IPO9: variants seen among roughly 807,000 people sequenced by gnomAD.
IPO9 encodes the protein importin-9.
A neutral mutation model predicts 128.6 loss-of-function variants in IPO9; 28 were observed. That is an observed-to-expected ratio of 0.22 (90% confidence interval 0.16 to 0.30). The LOEUF is 0.30. IPO9 is among the 10% of genes least tolerant of loss of function. IPO9 has a pLI of 1.00. For missense variants in IPO9, 935 were observed against 1,293.9 expected (o/e 0.72, Z 4.26); for synonymous variants, 455 against 475.8 (o/e 0.96, Z 0.57).
chr1:201,848,695 C>A, intron 4 of IPO9, 101 bp downstream of exon 4: 2 of 1,123,302 alleles, frequency 1.8e-6, no homozygotes, highest in Non-Finnish European at 1.3e-6. Context: ...GTAGGAATTG[C>A]TGCTGATGTT....
At chr1:201,829,497 G>A in intron 1 of IPO9, 125 bp downstream of exon 1, 1 of 985,142 alleles carries the variant, frequency 1.0e-6, no homozygotes, top group Non-Finnish European at 1.4e-6. Flanking sequence ...AAGTGGAGCA[G>A]GAAGCGAGAG....
At chr1:201,844,619 G>A (rs1310053271) in intron 1 of IPO9, among the ~76,000 whole-genome samples, 2 of 152,206 alleles carry the variant, frequency 1.3e-5, no homozygotes, top group Non-Finnish European at 2.9e-5. Flanking sequence ...GAAAATGGAT[G>A]AATGATATCC....
chr1:201,876,451 T>G lies in IPO9; in HGVS notation c.*397T>G. 2.9e-6 allele frequency: 1 copy of G among 350,564 alleles called. No homozygotes were observed. The allele number at this position is 350,564 out of a possible 1,614,324, so 21.7% of individuals were successfully genotyped here. On this transcript the variant is annotated 3_prime_UTR_variant, in exon 24 of 24. Coordinates refer to ENST00000361565, the MANE Select transcript of IPO9 (RefSeq NM_018085.5). ...CCATTTATATTCTAAAACAGACCTA[T>G]CTATGTTCATAGGACTTCTGATGTG...
In IPO9 at chr1:201,870,849, T is replaced by A. The variant is rs1400877105; in HGVS notation, c.2400T>A (p.Ser800Arg). 24 of 1,610,816 alleles carry A rather than the reference T, an allele frequency of 1.5e-5. No homozygotes were observed. Among genetic ancestry groups the A allele is most frequent in the Non-Finnish European group, 1.9e-5 (22 of 1,177,720 alleles). The change falls in exon 18 of 24, where the codon AGT becomes AGA. Residue 800 changes from serine to arginine, a missense_variant. By Grantham distance (110) the Ser-to-Arg change is moderately radical. This residue lies in a region of IPO9 where 741 missense variants were observed against 1,019.1 expected (regional missense o/e 0.73). Transcript: ENST00000361565. This position sits in a 1 kb window ranked among gnomAD's most constrained non-coding sequence, Gnocchi z 4.9. ...LSKMQQAETLSVMQSLIMVFA... is the reference protein window; with the variant it reads ...LSKMQQAETLRVMQSLIMVFA... Reference sequence around the variant, plus strand: ...AGATGCAGCAGGCAGAGACGCTCAGTGTCATGCAGGTAAGAGAGCAGTGGG... The same window carrying A: ...AGATGCAGCAGGCAGAGACGCTCAGAGTCATGCAGGTAAGAGAGCAGTGGG...
At chr1:201,835,909 A>G (rs555336342) in intron 1 of IPO9, among the ~76,000 whole-genome samples, 1 of 152,220 alleles carries the variant, frequency 6.6e-6, no homozygotes, top group South Asian at 2.1e-4. Flanking sequence ...CAGGAGATCA[A>G]GACCATCCTG....
rs2102893172 is a variant in IPO9 at position 201,876,992 on chromosome 1, A to G, written c.*938A>G. ...GTTGCATGGTATAAGGTGTCTCAGC[A>G]CCTGTTTGCCTTCTATTCCCTTTAG... On this transcript the variant is annotated 3_prime_UTR_variant, in exon 24 of 24. Transcript: ENST00000361565. 1 of 152,768 alleles carries G rather than the reference A, an allele frequency of 6.5e-6. No homozygotes were observed. The highest frequency in any genetic ancestry group is 6.5e-5 in the Admixed American group (1 of 15,298). 9.5% of individuals were successfully genotyped at this position (152,768 alleles called of 1,614,324 possible).
rs142757926 is a variant in IPO9 at position 201,879,454 on chromosome 1, C to G, written c.*3400C>G. ...TTGGCCCCTCCTTTGATATTAGTGA[C>G]AGATGACTTTTTTTATGCCTTACCC... On this transcript the variant is annotated 3_prime_UTR_variant, in exon 24 of 24. Transcript: ENST00000361565. The G allele has an allele frequency of 2.6e-5, 4 of 152,274 alleles. No individual in the cohort carries two copies. The East Asian group carries it at 7.7e-4, about 29-fold the overall frequency. 9.4% of individuals were successfully genotyped at this position (152,274 alleles called of 1,614,324 possible). A position where few individuals can be genotyped will look rare whatever the true frequency, so the allele number is the denominator to read the frequency against.
In IPO9 at chr1:201,880,805, C is replaced by G. The variant is rs977945785; in HGVS notation, c.*4751C>G. 4 of 152,116 alleles carry G rather than the reference C, an allele frequency of 2.6e-5. No individual in the cohort carries two copies. The highest frequency in any genetic ancestry group is 4.4e-5 in the Non-Finnish European group (3 of 68,036). 9.4% of individuals were successfully genotyped at this position (152,116 alleles called of 1,614,324 possible). A position where few individuals can be genotyped will look rare whatever the true frequency, so the allele number is the denominator to read the frequency against. ...GGATTGTGCAAAAGCTATACACATT[C>G]GGTAGAAACAGTACTTCAAGTATCC... On this transcript the variant is annotated 3_prime_UTR_variant, in exon 24 of 24. Coordinates refer to ENST00000361565, the MANE Select transcript of IPO9 (RefSeq NM_018085.5).
intron 19 of IPO9, 90 bp downstream of exon 19, chr1:201,871,417 C>T (rs993875575): frequency 1.4e-5 from 14 of 1,005,386 alleles, no homozygotes; most frequent in African/African-American, 1.1e-4. Context: ...GAGACAGTCT[C>T]GCTCTGTCGC....
In IPO9 at chr1:201,863,448, T is replaced by C; in HGVS notation, c.1469T>C (p.Val490Ala). The C allele has an allele frequency of 6.4e-7, 1 of 1,566,022 alleles. No individual in the cohort carries two copies. The highest frequency in any genetic ancestry group is 8.8e-7 in the Non-Finnish European group (1 of 1,142,696). Reference sequence around the variant, plus strand: ...CCTAATTGTTCTGTCTTTCTCCCAGTGTCTCCTTTCCTCTTGGGCCGGGCA... The same window carrying C: ...CCTAATTGTTCTGTCTTTCTCCCAGCGTCTCCTTTCCTCTTGGGCCGGGCA... ...NVILADLNLSVSPFLLGRALW... is the reference protein window; with the variant it reads ...NVILADLNLSASPFLLGRALW... Residue 490 changes from valine (V) to alanine (A), a missense_variant and splice_region_variant, in exon 14 of 24, where the codon GTG becomes GCG. Around this residue, in one of 3 missense-constraint regions of IPO9, gnomAD observed 741 missense variants for 1,019.1 expected, o/e 0.73. Transcript: ENST00000361565.
At chr1:201,835,290 C>T (rs1558214936) in intron 1 of IPO9, among the ~76,000 whole-genome samples, 1 of 152,212 alleles carries the variant, frequency 6.6e-6, no homozygotes, top group Non-Finnish European at 1.5e-5. Context: ...ATCCTTTATC[C>T]TCCATGCTCT....
intron 12 of IPO9, 90 bp from the exon 13 acceptor site, chr1:201,858,765 G>A: frequency 1.5e-6 from 2 of 1,349,912 alleles, no homozygotes; most frequent in South Asian, 2.9e-5. Context: ...AGATTGTGCT[G>A]GAGTGCCCTT....
At chr1:201,872,784 G>C (rs1324049253) in intron 19 of IPO9, 44 bp from the exon 20 acceptor site, 2 of 1,581,698 alleles carry the variant, frequency 1.3e-6, no homozygotes, top group Non-Finnish European at 1.7e-6. Context: ...GAGTGAACTC[G>C]AGATGGGCGG....
intron 1 of IPO9, among the ~76,000 whole-genome samples, chr1:201,842,946 G>C (rs1187605515): frequency 6.6e-6 from 1 of 152,222 alleles, no homozygotes; most frequent in Admixed American, 6.5e-5. Flanking sequence ...AGGTGTTAAT[G>C]TGATATTGGA....
At chr1:201,856,998 T>G in intron 10 of IPO9, 98 bp from the exon 11 acceptor site, 2 of 842,354 alleles carry the variant, frequency 2.4e-6, no homozygotes, top group South Asian at 1.4e-5. Context: ...AAGGCTAGAG[T>G]TTTTTCAGGA....
chr1:201,853,559 G>T (rs1485306888), intron 6 of IPO9, among the ~76,000 whole-genome samples: 2 of 151,198 alleles, frequency 1.3e-5, no homozygotes, highest in Non-Finnish European at 2.9e-5. Flanking sequence ...TATTTATTTG[G>T]GTTTTTTTTG....
chr1:201,848,551 C>T lies in IPO9; in HGVS notation c.471C>T (p.Ser157=). Residue 157 remains serine, a synonymous_variant, in exon 4 of 24, where the codon AGC becomes AGT. Coordinates refer to ENST00000361565, the MANE Select transcript of IPO9 (RefSeq NM_018085.5). ...ACCTGCTCATGGAGATGTTGGTGAG[C>T]GGAGACTTAAATGCCGTCCATGGAG... The part of the protein sequence containing the change: ...LFNLLMEMLV[S]GDLNAVHGAM... 6.2e-7 allele frequency: 1 copy of T among 1,614,120 alleles called. No homozygotes were observed. Among genetic ancestry groups the T allele is most frequent in the Non-Finnish European group, 8.5e-7 (1 of 1,180,008 alleles).
At chr1:201,841,832 A>T (rs1440057609) in intron 1 of IPO9, among the ~76,000 whole-genome samples, 1 of 152,240 alleles carries the variant, frequency 6.6e-6, no homozygotes, top group Non-Finnish European at 1.5e-5. Flanking sequence ...ATTAAAACTC[A>T]CAGAATAAAA....
chr1:201,844,948 C>G (rs1680098276), intron 1 of IPO9, among the ~76,000 whole-genome samples: 2 of 151,354 alleles, frequency 1.3e-5, no homozygotes, highest in Admixed American at 6.6e-5. Context: ...AGATATTGTA[C>G]AAAGCATTTT....
Sources: allele counts gnomAD v4.1 joint callset (sites outside exome capture counted in the v4.1 genomes callset), GRCh38; gene constraint gnomAD v4.1.1; regional missense constraint gnomAD v4.1.1; non-coding constraint Gnocchi (gnomAD v3.1); transcripts MANE v1.5; gene names NCBI Gene and HGNC (gene_info 2026-07-23, HGNC 2026-07-21).